The following SPIDR variants were observed in gnomAD, a reference collection of about 807,000 sequenced individuals.
SPIDR encodes the protein scaffold protein involved in DNA repair, also known as DNA repair-scaffolding protein.
In SPIDR, 93 loss-of-function variants were observed where a neutral mutation model predicts 104.6. That is an observed-to-expected ratio of 0.89 (90% CI 0.75 to 1.06). SPIDR has a LOEUF of 1.06. Among genes scored for constraint, SPIDR ranks in the 50% least tolerant of loss-of-function variants. The pLI, the probability that SPIDR is intolerant of heterozygous loss-of-function variation, is 0.00. For synonymous variants in SPIDR, 431 were observed against 416.9 expected (o/e 1.03, Z -0.41); for missense variants, 1,154 against 1,111.2 (o/e 1.04, Z -0.55).
rs1173146427 is a variant in SPIDR, at chr8:47,700,388, CTT to C, written c.1686-12_1686-11del. The C allele has an allele frequency of 1.2e-6, 2 of 1,614,118 alleles. No individual in the cohort carries two copies. The highest frequency in any genetic ancestry group is 3.3e-5 in the Admixed American group (2 of 60,022). ...GATGTCTGATGATGAATACCTTTGA[CTT>C]TTCTTGTTCCAGGACAGCGGGGATT... On this transcript the variant is annotated splice_polypyrimidine_tract_variant and intron_variant, in intron 11 of 19. Transcript: ENST00000297423.
chr8:47,433,380 C>T (rs551679453), intron 7 of SPIDR, among the ~76,000 whole-genome samples: 7 of 152,322 alleles, frequency 4.6e-5, no homozygotes, highest in African/African-American at 1.4e-4. Context: ...CCAGAGGAAA[C>T]ACCCTGGTTC....
chr8:47,510,741 A>G (rs1012884586), intron 8 of SPIDR, among the ~76,000 whole-genome samples: 26 of 152,234 alleles, frequency 1.7e-4, no homozygotes, highest in Admixed American at 1.7e-3. Flanking sequence ...AATAATTACA[A>G]TCTTCAGTTT....
intron 10 of SPIDR, among the ~76,000 whole-genome samples, chr8:47,659,846 G>T (rs1259383176): frequency 1.3e-5 from 2 of 152,098 alleles, no homozygotes; most frequent in Non-Finnish European, 2.9e-5. Context: ...GGCTGCTTAA[G>T]TTGACAGTGA....
chr8:47,495,198 A>C (rs1422721718), intron 8 of SPIDR, among the ~76,000 whole-genome samples: 1 of 152,110 alleles, frequency 6.6e-6, no homozygotes. Flanking sequence ...TGCATAGTGC[A>C]CATGTCCAGG....
intron 5 of SPIDR, among the ~76,000 whole-genome samples, chr8:47,377,015 A>G (rs924521179): frequency 6.6e-6 from 1 of 152,142 alleles, no homozygotes; most frequent in Non-Finnish European, 1.5e-5. Flanking sequence ...TGTGACAGAC[A>G]CTGCATGGCC....
intron 5 of SPIDR, among the ~76,000 whole-genome samples, chr8:47,341,890 C>T (rs782327469): frequency 1.3e-5 from 2 of 152,148 alleles, no homozygotes; most frequent in Non-Finnish European, 2.9e-5. Flanking sequence ...CAGAATCTTC[C>T]CCTCTGCAGT....
intron 5 of SPIDR, among the ~76,000 whole-genome samples, chr8:47,301,857 T>C (rs1554577564): frequency 1.6e-5 from 2 of 127,500 alleles, no homozygotes; most frequent in East Asian, 2.1e-4. Context: ...ACCCGACCTT[T>C]CTCTCTGGCT....
At chr8:47,395,270 A>G (rs1230742096) in intron 5 of SPIDR, among the ~76,000 whole-genome samples, 1 of 152,122 alleles carries the variant, frequency 6.6e-6, no homozygotes, top group Admixed American at 6.5e-5. Context: ...AATCACTTCT[A>G]CCCGAGAAGC....
intron 5 of SPIDR, among the ~76,000 whole-genome samples, chr8:47,320,553 T>C (rs1197448163): frequency 6.6e-6 from 1 of 152,190 alleles, no homozygotes; most frequent in African/African-American, 2.4e-5. Flanking sequence ...TCTGAAACTA[T>C]TCCAATCAAT....
intron 11 of SPIDR, among the ~76,000 whole-genome samples, chr8:47,693,194 T>C (rs2078910356): frequency 6.6e-6 from 1 of 152,230 alleles, no homozygotes; most frequent in East Asian, 1.9e-4. Context: ...TATTGTTTTT[T>C]TGTGTGTATA....
chr8:47,503,011 A>G (rs550851821), intron 8 of SPIDR, among the ~76,000 whole-genome samples: 1 of 152,292 alleles, frequency 6.6e-6, no homozygotes, highest in East Asian at 1.9e-4. Flanking sequence ...AGAGTTTGTT[A>G]TAATTTCTCT....
chr8:47,572,302 T>C (rs1233611166), intron 8 of SPIDR, among the ~76,000 whole-genome samples: 1 of 152,158 alleles, frequency 6.6e-6, no homozygotes, highest in Non-Finnish European at 1.5e-5. Flanking sequence ...TAACTATCAA[T>C]TTTAGGAGGC....
At chr8:47,356,033 A>G (rs940924398) in intron 5 of SPIDR, among the ~76,000 whole-genome samples, 4 of 152,150 alleles carry the variant, frequency 2.6e-5, no homozygotes, top group African/African-American at 9.7e-5. Flanking sequence ...CTTGAGGGCC[A>G]GGATCATCAT....
intron 10 of SPIDR, chr8:47,660,424 G>A (rs756786709): frequency 1.8e-5 from 18 of 985,048 alleles, no homozygotes; most frequent in East Asian, 2.3e-4. Context: ...AGTTTTAATC[G>A]GCTCTTCCAA....
At chr8:47,537,948 G>A (rs567223682) in intron 8 of SPIDR, among the ~76,000 whole-genome samples, 8 of 152,222 alleles carry the variant, frequency 5.3e-5, no homozygotes, top group South Asian at 4.1e-4. Flanking sequence ...AGGCTGAGGC[G>A]GGCGGATCAT....
chr8:47,592,194 TGGCTTG>T (rs1042140100), intron 8 of SPIDR: 1 of 1,376,676 alleles, frequency 7.3e-7, no homozygotes, highest in Non-Finnish European at 1.0e-6. Context: ...GCTGTTTCTA[TGGCTTG>T]GGCTTTGTTG....
chr8:47,685,344 C>T (rs769338350), intron 11 of SPIDR, among the ~76,000 whole-genome samples: 3 of 152,098 alleles, frequency 2.0e-5, no homozygotes, highest in Non-Finnish European at 2.9e-5. Context: ...GTCTAGAATT[C>T]AGTAAATGGG....
At chr8:47,674,879 G>C (rs921236303) in intron 11 of SPIDR, among the ~76,000 whole-genome samples, 1 of 152,166 alleles carries the variant, frequency 6.6e-6, no homozygotes, top group Non-Finnish European at 1.5e-5. Flanking sequence ...CTGTGGCACC[G>C]TACTGCTGAG....
At chr8:47,537,166 A>G (rs940042591) in intron 8 of SPIDR, among the ~76,000 whole-genome samples, 1 of 152,242 alleles carries the variant, frequency 6.6e-6, no homozygotes, top group African/African-American at 2.4e-5. Flanking sequence ...CTTTGTTACA[A>G]AAATACACAT....
Sources: allele counts gnomAD v4.1 joint callset (sites outside exome capture counted in the v4.1 genomes callset), GRCh38; gene constraint gnomAD v4.1.1; transcripts MANE v1.5; gene names NCBI Gene and HGNC (gene_info 2026-07-23, HGNC 2026-07-21).